The following DTWD2 variants were observed in gnomAD, a reference collection of about 807,000 sequenced individuals.
The protein encoded by DTWD2 is tRNA-uridine aminocarboxypropyltransferase 2.
A neutral mutation model predicts 31.8 loss-of-function variants in DTWD2; 39 were observed. The ratio of observed to expected loss-of-function variants is 1.22; its 90% CI spans 0.95 to 1.60. The LOEUF (loss-of-function observed/expected upper bound fraction) is 1.60. Ranked by LOEUF, DTWD2 falls within the 40% of genes most tolerant of loss-of-function variation. DTWD2 has a pLI of 0.00. For missense variants in DTWD2, 515 were observed against 381.5 expected, an observed-to-expected ratio of 1.35 and a Z score of -2.92; for synonymous variants, 180 against 142.8, an observed-to-expected ratio of 1.26 and a Z score of -1.86.
intron 5 of DTWD2, among the ~76,000 whole-genome samples, chr5:118,847,606 G>A (rs1751888412): frequency 7.3e-6 from 1 of 136,466 alleles, no homozygotes; most frequent in Non-Finnish European, 1.5e-5. Flanking sequence ...ATATTCTCTA[G>A]GCATTTTTTT....
intron 4 of DTWD2, among the ~76,000 whole-genome samples, chr5:118,858,381 G>A (rs1752186203): frequency 6.6e-6 from 1 of 152,154 alleles, no homozygotes; most frequent in Non-Finnish European, 1.5e-5. Flanking sequence ...TGTTGACACA[G>A]ACCAGTACTT....
Position 118,928,599 on chromosome 5 carries a change from C to T in DTWD2, c.535G>A (p.Gly179Ser). 5.0e-6 allele frequency: 8 copies of T among 1,590,942 alleles called. No individual in the cohort carries two copies. The highest frequency in any genetic ancestry group is 6.0e-6 in the Non-Finnish European group (7 of 1,168,412). ...VYPSTIIIID[G>S]TWSQAKDIFY... ...ATGTCCTTAGCCTGGCTCCATGTACCATCAATGATGATGATTGTAGAAGGA... is the reference window on the plus strand; with the variant it reads ...ATGTCCTTAGCCTGGCTCCATGTACTATCAATGATGATGATTGTAGAAGGA... The change falls in exon 4 of 6, where the codon GGT becomes AGT. Residue 179 changes from glycine to serine, a missense_variant. Physicochemically the swap from Gly to Ser is moderately conservative, Grantham distance 56. Coordinates refer to ENST00000510708, the MANE Select transcript of DTWD2 (RefSeq NM_173666.4).
At chr5:118,894,954 C>A (rs1208621668) in intron 4 of DTWD2, among the ~76,000 whole-genome samples, 1 of 152,068 alleles carries the variant, frequency 6.6e-6, no homozygotes, top group East Asian at 1.9e-4. Flanking sequence ...TGGAACAAGA[C>A]AAGAAAGCAC....
At position 118,848,219 on chromosome 5, in the gene DTWD2, C is replaced by T. The variant is rs1475729669; in HGVS notation, c.598-1G>A. 6.3e-7 allele frequency: 1 copy of T among 1,577,392 alleles called. No individual in the cohort carries two copies. Among genetic ancestry groups the T allele is most frequent in the Non-Finnish European group, 8.6e-7 (1 of 1,168,562 alleles). On this transcript the variant is annotated splice_acceptor_variant, in intron 4 of 5. Coordinates refer to ENST00000510708, the MANE Select transcript of DTWD2 (RefSeq NM_173666.4). LOFTEE classifies it high-confidence loss of function. Reference sequence around the variant, plus strand: ...TAGAAATGCTAGTTTTTAATTGCACCTGAAATCAAAAACAAAATAGAACAT... The same window carrying T: ...TAGAAATGCTAGTTTTTAATTGCACTTGAAATCAAAAACAAAATAGAACAT...
chr5:118,936,487 A>G (rs1561462246), intron 3 of DTWD2, among the ~76,000 whole-genome samples: 1 of 151,968 alleles, frequency 6.6e-6, no homozygotes, highest in South Asian at 2.1e-4. Context: ...AAAAGGAAAA[A>G]TTTATAGATT....
In DTWD2 at chr5:118,837,678, A is replaced by T. The variant is rs1448229695; in HGVS notation, c.*3239T>A. 1 of 152,186 alleles carries T rather than the reference A, an allele frequency of 6.6e-6. No homozygotes were observed. The highest frequency in any genetic ancestry group is 1.5e-5 in the Non-Finnish European group (1 of 68,038). 9.4% of individuals were successfully genotyped at this position (152,186 alleles called of 1,614,324 possible). On this transcript the variant is annotated 3_prime_UTR_variant, in exon 6 of 6. Coordinates refer to ENST00000510708, the MANE Select transcript of DTWD2 (RefSeq NM_173666.4). Reference sequence around the variant, plus strand: ...TTTACTGAGAGGCCAAGGCAGAAGGATCGCTTGAGGCCAGGAGTTCAGGAC... The same window carrying T: ...TTTACTGAGAGGCCAAGGCAGAAGGTTCGCTTGAGGCCAGGAGTTCAGGAC...
At chr5:118,982,683 T>C (rs1755328653) in intron 1 of DTWD2, among the ~76,000 whole-genome samples, 1 of 148,096 alleles carries the variant, frequency 6.8e-6, no homozygotes, top group African/African-American at 2.5e-5. Context: ...AATAGTTTGT[T>C]TTCTTTTTTT....
rs575836472 is a variant in DTWD2 at position 118,899,414 on chromosome 5, C to G, written c.597+29123G>C. Reference sequence around the variant, plus strand: ...AATGCAATCAAAGGCTAGTAGGAACCTAATCCTGTATTTTCCCTAGAGACA... The same window carrying G: ...AATGCAATCAAAGGCTAGTAGGAACGTAATCCTGTATTTTCCCTAGAGACA... On this transcript the variant is annotated intron_variant, in intron 4 of 5. Coordinates refer to ENST00000510708, the MANE Select transcript of DTWD2 (RefSeq NM_173666.4). 1.3e-5 allele frequency among the ~76,000 whole-genome samples: 2 copies of G among 152,156 alleles called. 1 individual carries two copies. Among genetic ancestry groups the G allele is most frequent in the African/African-American group, 4.8e-5 (2 of 41,434 alleles).
intron 4 of DTWD2, among the ~76,000 whole-genome samples, chr5:118,903,622 A>G (rs1351436475): frequency 1.3e-5 from 2 of 152,026 alleles, no homozygotes; most frequent in Non-Finnish European, 2.9e-5. Context: ...ATCTCTAGCT[A>G]ACATGTTAAG....
chr5:118,899,265 C>T (rs1399472867), intron 4 of DTWD2, among the ~76,000 whole-genome samples: 1 of 152,150 alleles, frequency 6.6e-6, no homozygotes, highest in Non-Finnish European at 1.5e-5. Context: ...TTAATTCAGA[C>T]ATGAGTTATA....
chr5:118,964,145 G>A (rs564688927), intron 1 of DTWD2, among the ~76,000 whole-genome samples: 2 of 150,916 alleles, frequency 1.3e-5, no homozygotes, highest in African/African-American at 2.4e-5. Flanking sequence ...AGAAGGTGGA[G>A]TTGCGGTGGT....
In DTWD2 at chr5:118,985,515, T is replaced by C. The variant is rs150662551; in HGVS notation, c.218+2779A>G. Among the ~76,000 whole-genome samples the C allele has an allele frequency of 7.9e-3, 1,039 of 132,032 alleles. 10 individuals carry two copies. Among genetic ancestry groups the C allele is most frequent in the African/African-American group, 0.031 (981 of 31,552 alleles). 86.6% of individuals were successfully genotyped at this position (132,032 alleles called of 152,430 possible). A position where few individuals can be genotyped will look rare whatever the true frequency, so the allele number is the denominator to read the frequency against. On this transcript the variant is annotated intron_variant, in intron 1 of 5. Coordinates refer to ENST00000510708, the MANE Select transcript of DTWD2 (RefSeq NM_173666.4). ...TTATATATATATATATATATATATATATACACACACATATATACATACATA... is the reference window on the plus strand; with the variant it reads ...TTATATATATATATATATATATATACATACACACACATATATACATACATA...
At chr5:118,963,410 G>T (rs573693781) in intron 1 of DTWD2, among the ~76,000 whole-genome samples, 2 of 152,154 alleles carry the variant, frequency 1.3e-5, no homozygotes, top group South Asian at 4.1e-4. Flanking sequence ...TGTTTTGGGG[G>T]AGCAGTTCAG....
At chr5:118,842,917 A>T (rs1334142567) in intron 5 of DTWD2, among the ~76,000 whole-genome samples, 2 of 149,600 alleles carry the variant, frequency 1.3e-5, no homozygotes, top group Admixed American at 1.3e-4. Context: ...ACTGCACTCC[A>T]GCCTTGGTGA....
chr5:118,881,784 T>C (rs1003381075), intron 4 of DTWD2, among the ~76,000 whole-genome samples: 1 of 152,140 alleles, frequency 6.6e-6, no homozygotes, highest in Non-Finnish European at 1.5e-5. Flanking sequence ...CTCACCATCA[T>C]GAGAATGGCA....
chr5:118,920,889 C>G lies in DTWD2; in HGVS notation c.597+7648G>C, dbSNP rs79108038. ...TTGGATTCAAGTTTCATATCTGCCA[C>G]TAATTATCTATGTAACCCAGTAAGA... On this transcript the variant is annotated intron_variant, in intron 4 of 5. Transcript: ENST00000510708. 9.4e-3 allele frequency among the ~76,000 whole-genome samples: 1,437 copies of G among 152,248 alleles called. 17 individuals are homozygous for G. Among genetic ancestry groups the G allele is most frequent in the African/African-American group, 0.033 (1,378 of 41,550 alleles).
chr5:118,903,157 A>C (rs1034546504), intron 4 of DTWD2, among the ~76,000 whole-genome samples: 3 of 151,990 alleles, frequency 2.0e-5, no homozygotes, highest in Non-Finnish European at 4.4e-5. Context: ...AAAAAAAAAA[A>C]AAAACTTGAG....
intron 4 of DTWD2, among the ~76,000 whole-genome samples, chr5:118,896,535 A>G (rs917072556): frequency 2.0e-5 from 3 of 152,218 alleles, no homozygotes; most frequent in Non-Finnish European, 4.4e-5. Context: ...TAATAAAACC[A>G]GAGAAGGTAT....
At position 118,928,685 on chromosome 5, in the gene DTWD2, A is replaced by G. The variant is rs1283328973; in HGVS notation, c.449T>C (p.Ile150Thr). 2.5e-6 allele frequency: 4 copies of G among 1,588,458 alleles called. No individual in the cohort carries two copies. The African/African-American group carries it at 5.4e-5, about 21-fold the overall frequency. The change falls in exon 4 of 6, where the codon ATA (isoleucine) becomes ACA (threonine). Residue 150 changes from isoleucine (I) to threonine (T), a missense_variant. Coordinates refer to ENST00000510708, the MANE Select transcript of DTWD2 (RefSeq NM_173666.4). Reference sequence around the variant, plus strand: ...AGCAGCTTCAGCCCCTGGATATAATATTAATGTACCAGACTTCCGGCAAAC... The same window carrying G: ...AGCAGCTTCAGCCCCTGGATATAATGTTAATGTACCAGACTTCCGGCAAAC... Reference protein sequence around the residue: ...STVCRKSGTLILYPGAEAANL... With the variant: ...STVCRKSGTLTLYPGAEAANL...
Sources: gnomAD v4.1 joint callset for allele counts (sites outside exome capture counted in the v4.1 genomes callset) on GRCh38, gnomAD v4.1.1 for gene constraint, MANE v1.5 for transcripts, NCBI Gene and HGNC (gene_info 2026-07-23, HGNC 2026-07-21) for gene names.